Variants in FAT1 observed in about 807,000 individuals in gnomAD.
The protein encoded by FAT1 is protocadherin Fat 1.
FAT1 carries 171 observed loss-of-function variants against 329.8 expected under a neutral mutation model. The observed-to-expected ratio is 0.52, with a 90% CI of 0.46 to 0.59. The LOEUF is 0.59. Ranked by LOEUF, FAT1 falls within the 20% of genes least tolerant of loss-of-function variation. FAT1 has a pLI of 0.00. For synonymous variants in FAT1, 2,233 were observed against 2,228.6 expected (o/e 1.00, Z -0.06); for missense variants, 5,672 against 5,774.4 (o/e 0.98, Z 0.57).
intron 9 of FAT1, 68 bp downstream of exon 9, chr4:186,628,086 T>A: frequency 6.6e-7 from 1 of 1,526,284 alleles, no homozygotes; most frequent in Non-Finnish European, 8.9e-7. Context: ...CAGAACTGAT[T>A]TTGGAAAAGT....
chr4:186,624,567 A>G (rs756853376), intron 9 of FAT1, among the ~76,000 whole-genome samples: 4 of 152,238 alleles, frequency 2.6e-5, no homozygotes, highest in Non-Finnish European at 2.9e-5. Context: ...CACAGACCAG[A>G]GTATGGCACT....
chr4:186,592,770 A>G (rs750990273), intron 26 of FAT1: 7 of 456,514 alleles, frequency 1.5e-5, no homozygotes, highest in Non-Finnish European at 3.1e-5. Context: ...AAAGGTACAA[A>G]AGCAGTCAAT....
intron 2 of FAT1, among the ~76,000 whole-genome samples, chr4:186,688,644 AC>A (rs55969318): frequency 4.9e-4 from 61 of 123,564 alleles, no homozygotes; most frequent in East Asian, 2.1e-3. Flanking sequence ...CAGCAAGAGT[AC>A]CCCCCCCGCC....
rs535777703 is a variant in FAT1, at chr4:186,663,296, T to C, written c.3580+3A>G. 13 of 1,605,312 alleles carry C rather than the reference T, an allele frequency of 8.1e-6. No individual in the cohort carries two copies. In the South Asian group the frequency reaches 1.3e-4, roughly 16 times the overall value. On this transcript the variant is annotated splice_donor_region_variant and intron_variant, in intron 3 of 26. Transcript: ENST00000441802. ...CATTTCCTATAGCAGTATTAACACA[T>C]ACCTGTTTTAGGATGTATTGAAAAG...
At chr4:186,616,942 C>T (rs1314967674) in intron 11 of FAT1, 63 bp downstream of exon 11, 50 of 1,414,172 alleles carry the variant, frequency 3.5e-5, no homozygotes, top group Non-Finnish European at 4.5e-5. Flanking sequence ...AAATGATGGT[C>T]CCATTGAAAG....
intron 3 of FAT1, among the ~76,000 whole-genome samples, chr4:186,660,031 C>T (rs888890609): frequency 6.6e-6 from 1 of 152,188 alleles, no homozygotes. Flanking sequence ...AGTCAGTTCG[C>T]CCCAAGATCC....
intron 3 of FAT1, among the ~76,000 whole-genome samples, chr4:186,643,777 C>T (rs1741216594): frequency 6.6e-6 from 1 of 150,986 alleles, no homozygotes; most frequent in Non-Finnish European, 1.5e-5. Context: ...GAGCATCACT[C>T]CTGCTCCTCA....
chr4:186,723,237 C>A (rs960351737), intron 1 of FAT1, among the ~76,000 whole-genome samples: 2 of 152,268 alleles, frequency 1.3e-5, no homozygotes, highest in Admixed American at 6.5e-5. Context: ...AGCGCTCCTG[C>A]AGGGCGCAAA....
intron 26 of FAT1, among the ~76,000 whole-genome samples, chr4:186,590,929 T>G (rs1738209335): frequency 6.6e-6 from 1 of 152,222 alleles, no homozygotes; most frequent in South Asian, 2.1e-4. Context: ...ACTGTATGTA[T>G]TTTGAATATG....
chr4:186,657,384 A>G (rs1273353474), intron 3 of FAT1, among the ~76,000 whole-genome samples: 1 of 152,218 alleles, frequency 6.6e-6, no homozygotes, highest in Admixed American at 6.5e-5. Flanking sequence ...GCCTTACCAA[A>G]AAGAGTATAT....
chr4:186,650,103 C>G (rs75878309), intron 3 of FAT1, among the ~76,000 whole-genome samples: 1,694 of 152,240 alleles, frequency 0.011, 31 homozygotes, highest in African/African-American at 0.039. Context: ...AGTAACTCAG[C>G]TCCAAAGGTG....
chr4:186,648,145 A>G (rs889589152), intron 3 of FAT1, among the ~76,000 whole-genome samples: 1 of 152,058 alleles, frequency 6.6e-6, no homozygotes, highest in African/African-American at 2.4e-5. Context: ...ACTTCTGGCT[A>G]CTCCTGGGAA....
intron 3 of FAT1, among the ~76,000 whole-genome samples, chr4:186,650,979 C>T (rs2126594179): frequency 6.6e-6 from 1 of 151,232 alleles, no homozygotes; most frequent in African/African-American, 2.4e-5. Flanking sequence ...AAAGAGAGGG[C>T]AACACAATTG....
Position 186,611,593 on chromosome 4 carries a change from C to T in FAT1, c.9646G>A (p.Val3216Met), listed in dbSNP as rs574308888. ...LPRRLTATGT[V>M]IVSVLDINDN... ...TTTATGTCAAGAACTGATACAATCA[C>T]AGTGCCAGTGGCAGTCAGCCTCCTT... The change falls in exon 14 of 27, where the codon GTG becomes ATG. Residue 3216 changes from valine (V) to methionine (M), a missense_variant. Transcript: ENST00000441802. The T allele has an allele frequency of 5.5e-5, 89 of 1,613,722 alleles. 1 individual carries two copies. In the South Asian group the frequency reaches 9.4e-4, roughly 17 times the overall value.
intron 2 of FAT1, among the ~76,000 whole-genome samples, chr4:186,672,053 A>G (rs950755054): frequency 6.6e-6 from 1 of 152,206 alleles, no homozygotes; most frequent in African/African-American, 2.4e-5. Flanking sequence ...CCTGAAGTTT[A>G]TAAGATATTA....
chr4:186,613,092 G>A lies in FAT1; in HGVS notation c.9463+17C>T, dbSNP rs1739528049. 2 of 1,569,458 alleles carry A rather than the reference G, an allele frequency of 1.3e-6. No homozygotes were observed. Among genetic ancestry groups the A allele is most frequent in the Non-Finnish European group, 1.7e-6 (2 of 1,148,654 alleles). ...TCTCAGTGAGCAGCGTCAGGCAAGA[G>A]CATTCCCGGGAGATACCTGCGTCGG... On this transcript the variant is annotated intron_variant, in intron 13 of 26. Coordinates refer to ENST00000441802, the MANE Select transcript of FAT1 (RefSeq NM_005245.4).
intron 1 of FAT1, among the ~76,000 whole-genome samples, chr4:186,722,870 C>G (rs1745521692): frequency 6.6e-6 from 1 of 151,406 alleles, no homozygotes; most frequent in Non-Finnish European, 1.5e-5. Context: ...TAACAAAAGC[C>G]ACTTAATGAA....
intron 2 of FAT1, among the ~76,000 whole-genome samples, chr4:186,668,220 C>G (rs1221422286): frequency 6.6e-6 from 1 of 152,146 alleles, no homozygotes; most frequent in African/African-American, 2.4e-5. Flanking sequence ...TCCTCAAGAA[C>G]CCTGGGCAGA....
At chr4:186,661,961 TGA>T (rs1383990911) in intron 3 of FAT1, among the ~76,000 whole-genome samples, 1 of 152,136 alleles carries the variant, frequency 6.6e-6, no homozygotes, top group African/African-American at 2.4e-5. Flanking sequence ...CAGAATTGAA[TGA>T]GAGGACTCCC....
Sources: allele counts gnomAD v4.1 joint callset (sites outside exome capture counted in the v4.1 genomes callset), GRCh38; gene constraint gnomAD v4.1.1; transcripts MANE v1.5; gene names NCBI Gene and HGNC (gene_info 2026-07-23, HGNC 2026-07-21).